MED13L: variants seen among roughly 807,000 people sequenced by gnomAD.
MED13L encodes the protein mediator of RNA polymerase II transcription subunit 13-like.
Under a neutral mutation model 220.9 loss-of-function variants are expected in MED13L, and 7 were observed. That is an observed-to-expected ratio of 0.03 (90% confidence interval 0.02 to 0.06). MED13L has a LOEUF of 0.06. Ranked by LOEUF, MED13L falls within the 10% of genes least tolerant of loss-of-function variation. MED13L has a pLI of 1.00. For missense variants in MED13L, 1,965 were observed against 2,760.5 expected (o/e 0.71, Z 6.46); for synonymous variants, 1,011 against 1,015.2 (o/e 1.00, Z 0.08).
chr12:116,016,851 G>A (rs150944024), intron 7 of MED13L, among the ~76,000 whole-genome samples: 8 of 152,330 alleles, frequency 5.3e-5, no homozygotes, highest in Non-Finnish European at 7.3e-5. Flanking sequence ...AATAAGGTAT[G>A]AGTAATGTCA....
At chr12:116,020,763 G>C (rs1297441319) in intron 5 of MED13L, among the ~76,000 whole-genome samples, 2 of 152,112 alleles carry the variant, frequency 1.3e-5, no homozygotes, top group African/African-American at 4.8e-5. Context: ...CCAGTTCATA[G>C]CCTTGAAGTG....
At chr12:116,044,409 T>C (rs576553974) in intron 4 of MED13L, among the ~76,000 whole-genome samples, 1 of 152,218 alleles carries the variant, frequency 6.6e-6, no homozygotes, top group African/African-American at 2.4e-5. Flanking sequence ...AAGTGAATGT[T>C]AGCTCTGTGT....
chr12:116,181,306 G>A (rs1880504549), intron 2 of MED13L: 1 of 150,276 alleles, frequency 6.7e-6, no homozygotes, highest in African/African-American at 2.4e-5. Context: ...AAAAAAAAAA[G>A]TCGGCAATCC....
chr12:116,061,738 T>C (rs1310078738), intron 4 of MED13L, among the ~76,000 whole-genome samples: 1 of 152,172 alleles, frequency 6.6e-6, no homozygotes, highest in Non-Finnish European at 1.5e-5. Context: ...CCAGGCGTAG[T>C]GGCTCACGCC....
At chr12:116,151,101 G>C (rs1466225642) in intron 2 of MED13L, among the ~76,000 whole-genome samples, 3 of 152,102 alleles carry the variant, frequency 2.0e-5, no homozygotes, top group Non-Finnish European at 2.9e-5. Context: ...AAGATTAAGA[G>C]GGGGGAAATG....
intron 23 of MED13L, among the ~76,000 whole-genome samples, chr12:115,977,037 C>A (rs1876986425): frequency 6.6e-6 from 1 of 152,188 alleles, no homozygotes; most frequent in African/African-American, 2.4e-5. Context: ...ATGGTGCATG[C>A]CTGTAGTCCC....
Position 116,080,949 on chromosome 12 carries a change from T to C in MED13L, c.479+15720A>G, listed in dbSNP as rs1871203425. On this transcript the variant is annotated intron_variant, in intron 4 of 30. Coordinates refer to ENST00000281928, the MANE Select transcript of MED13L (RefSeq NM_015335.5). ...GCCTATAGGAATACGAAGGTATTCC[T>C]AGGGCACTATAAAAACAATAAAGTT... Among the ~76,000 whole-genome samples, 4 of 152,304 alleles carry C rather than the reference T, an allele frequency of 2.6e-5. No homozygotes were observed. The South Asian group carries it at 8.3e-4, about 32-fold the overall frequency.
At chr12:116,118,603 G>A (rs1448386048) in intron 2 of MED13L, among the ~76,000 whole-genome samples, 3 of 152,132 alleles carry the variant, frequency 2.0e-5, no homozygotes, top group South Asian at 2.1e-4. Context: ...TTGTCAAACA[G>A]AATGTAAATC....
At chr12:116,252,598 A>C (rs138312662) in intron 1 of MED13L, among the ~76,000 whole-genome samples, 256 of 152,268 alleles carry the variant, frequency 1.7e-3, no homozygotes, top group Non-Finnish European at 2.8e-3. Flanking sequence ...AGAAGCTATA[A>C]AAGGAAGAAG....
intron 23 of MED13L, among the ~76,000 whole-genome samples, chr12:115,978,105 T>C (rs2137253428): frequency 6.6e-6 from 1 of 152,062 alleles, no homozygotes; most frequent in Middle Eastern, 3.4e-3. Flanking sequence ...AAATCATATA[T>C]TGTGTGATTC....
At chr12:116,244,639 A>T (rs1870946417) in intron 1 of MED13L, among the ~76,000 whole-genome samples, 1 of 152,186 alleles carries the variant, frequency 6.6e-6, no homozygotes, top group Non-Finnish European at 1.5e-5. Context: ...AATAAGAACA[A>T]CTGGTTAAAA....
At chr12:116,096,330 G>GGGT (rs1872628814) in intron 4 of MED13L, among the ~76,000 whole-genome samples, 1 of 105,230 alleles carries the variant, frequency 9.5e-6, no homozygotes, top group Non-Finnish European at 1.8e-5. Flanking sequence ...ACTCCAGCCT[G>GGGT]GGTGACAGAG....
chr12:116,011,549 A>C (rs1424817089), intron 9 of MED13L, among the ~76,000 whole-genome samples: 1 of 152,208 alleles, frequency 6.6e-6, no homozygotes, highest in Non-Finnish European at 1.5e-5. Flanking sequence ...GTATGTGCTA[A>C]AGGCGGGCCT....
chr12:116,186,855 G>A (rs557874760), intron 2 of MED13L, among the ~76,000 whole-genome samples: 1 of 152,270 alleles, frequency 6.6e-6, no homozygotes, highest in South Asian at 2.1e-4. Context: ...ATGTACCACT[G>A]TTGTTCCTCT....
At chr12:115,969,632 T>C (rs1473133521) in intron 27 of MED13L, among the ~76,000 whole-genome samples, 1 of 151,928 alleles carries the variant, frequency 6.6e-6, no homozygotes, top group Non-Finnish European at 1.5e-5. Flanking sequence ...TGGAGTGCAG[T>C]GGCACGATCT....
intron 23 of MED13L, among the ~76,000 whole-genome samples, chr12:115,978,690 T>A (rs1877124904): frequency 6.6e-6 from 1 of 152,194 alleles, no homozygotes; most frequent in Non-Finnish European, 1.5e-5. Context: ...AAAGCTGTTA[T>A]TAAAGCAAGA....
chr12:116,165,727 C>T (rs1490279705), intron 2 of MED13L, among the ~76,000 whole-genome samples: 1 of 152,154 alleles, frequency 6.6e-6, no homozygotes, highest in Non-Finnish European at 1.5e-5. Flanking sequence ...CACTCACCTT[C>T]CTCAAGACCC....
At chr12:116,171,888 T>G (rs1287452682) in intron 2 of MED13L, among the ~76,000 whole-genome samples, 2 of 152,216 alleles carry the variant, frequency 1.3e-5, no homozygotes, top group African/African-American at 4.8e-5. Context: ...CTGCCCAGTT[T>G]CTGACATACA....
At chr12:116,184,515 C>T (rs1368331929) in intron 2 of MED13L, among the ~76,000 whole-genome samples, 2 of 152,064 alleles carry the variant, frequency 1.3e-5, no homozygotes, top group East Asian at 3.9e-4. Flanking sequence ...AAACTTTAGG[C>T]TTGTTCAAAG....
Sources: allele counts gnomAD v4.1 joint callset (sites outside exome capture counted in the v4.1 genomes callset), GRCh38; gene constraint gnomAD v4.1.1; transcripts MANE v1.5; gene names NCBI Gene and HGNC (gene_info 2026-07-23, HGNC 2026-07-21).